The following FHIT variants were observed in gnomAD, a reference collection of about 807,000 sequenced individuals.
FHIT encodes fragile histidine triad diadenosine triphosphatase.
FHIT carries 19 observed loss-of-function variants against 17.9 expected under a neutral mutation model. The observed-to-expected ratio is 1.06, with a 90% confidence interval of 0.74 to 1.56. The LOEUF is 1.56. FHIT is among the 40% of genes most tolerant of loss of function. The probability of loss-of-function intolerance (pLI) is 0.00; values close to 1 mark genes in which losing one functional copy is unlikely to be tolerated. For missense variants in FHIT, 248 were observed against 189.2 expected (o/e 1.31, Z -1.82); for synonymous variants, 81 against 69.7 (o/e 1.16, Z -0.81).
At chr3:60,277,660 C>T (rs1023094704) in intron 5 of FHIT, among the ~76,000 whole-genome samples, 1 of 152,146 alleles carries the variant, frequency 6.6e-6, no homozygotes, top group Non-Finnish European at 1.5e-5. Flanking sequence ...CAGACACCGC[C>T]TCCTCAAGCC....
intron 5 of FHIT, among the ~76,000 whole-genome samples, chr3:60,529,330 G>T (rs1252640109): frequency 6.6e-6 from 1 of 152,034 alleles, no homozygotes; most frequent in Non-Finnish European, 1.5e-5. Context: ...AGACTATTAG[G>T]AGAGGAAAGC....
At chr3:60,358,326 T>G (rs1429640180) in intron 5 of FHIT, among the ~76,000 whole-genome samples, 1 of 152,212 alleles carries the variant, frequency 6.6e-6, no homozygotes, top group African/African-American at 2.4e-5. Flanking sequence ...CTGAGAAGTT[T>G]CCTTTCCTTA....
intron 5 of FHIT, among the ~76,000 whole-genome samples, chr3:60,457,236 T>C (rs1252952042): frequency 3.3e-5 from 5 of 151,846 alleles, no homozygotes; most frequent in African/African-American, 1.2e-4. Context: ...AACAGAGATA[T>C]AGACCAATGG....
intron 5 of FHIT, among the ~76,000 whole-genome samples, chr3:60,023,217 T>C (rs1208508056): frequency 6.6e-6 from 1 of 152,242 alleles, no homozygotes; most frequent in Non-Finnish European, 1.5e-5. Flanking sequence ...ATGAGAATCA[T>C]TTCAAAAACT....
At chr3:61,130,748 AT>A (rs2036739853) in intron 2 of FHIT, among the ~76,000 whole-genome samples, 1 of 152,222 alleles carries the variant, frequency 6.6e-6, no homozygotes, top group Admixed American at 6.5e-5. Context: ...CTGAGGCTAT[AT>A]AAAAATCTGC....
At chr3:61,046,228 T>C (rs1026355599) in intron 2 of FHIT, among the ~76,000 whole-genome samples, 6 of 151,796 alleles carry the variant, frequency 4.0e-5, no homozygotes, top group African/African-American at 1.5e-4. Flanking sequence ...ATCAACAAAA[T>C]TGATAGACTG....
At position 60,441,724 on chromosome 3, in the gene FHIT, T is replaced by TTATATA. The variant is rs1553772800; in HGVS notation, c.103+95135_103+95136insTATATA. On this transcript the variant is annotated intron_variant, in intron 5 of 9. Coordinates refer to ENST00000492590, the MANE Select transcript of FHIT (RefSeq NM_002012.4). ...TATTTATATATATATATATATATAT[T>TTATATA]TGTATTTATATATATATATTTATAT... Among the ~76,000 whole-genome samples the TTATATA allele has an allele frequency of 1.6e-3, 98 of 62,992 alleles. 2 individuals are homozygous for TTATATA. The highest frequency in any genetic ancestry group is 2.2e-3 in the Non-Finnish European group (81 of 37,508). The allele number at this position is 62,992 out of a possible 152,430, so 41.3% of individuals were successfully genotyped here.
chr3:61,146,940 C>A (rs923271072), intron 2 of FHIT, among the ~76,000 whole-genome samples: 23 of 152,006 alleles, frequency 1.5e-4, no homozygotes, highest in Non-Finnish European at 5.9e-5. Flanking sequence ...TTTTATTTAT[C>A]CAAATGCCTC....
intron 3 of FHIT, among the ~76,000 whole-genome samples, chr3:60,878,972 C>T (rs1704822573): frequency 6.6e-6 from 1 of 152,130 alleles, no homozygotes; most frequent in African/African-American, 2.4e-5. Flanking sequence ...GTCTTTATAG[C>T]AGCATGATTT....
chr3:60,542,683 C>T lies in FHIT; in HGVS notation c.-17-5704G>A, dbSNP rs574161584. On this transcript the variant is annotated intron_variant, in intron 4 of 9. Coordinates refer to ENST00000492590, the MANE Select transcript of FHIT (RefSeq NM_002012.4). Reference sequence around the variant, plus strand: ...AATATTGATCATGGTCTATTAAACACAATAATTATATTTTCACCATCTATT... The same window carrying T: ...AATATTGATCATGGTCTATTAAACATAATAATTATATTTTCACCATCTATT... Among the ~76,000 whole-genome samples the T allele has an allele frequency of 4.6e-5, 7 of 152,204 alleles. No homozygotes were observed. The South Asian group carries it at 1.4e-3, about 32-fold the overall frequency.
intron 5 of FHIT, among the ~76,000 whole-genome samples, chr3:60,486,738 T>A (rs1425051814): frequency 6.6e-6 from 1 of 152,198 alleles, no homozygotes; most frequent in Non-Finnish European, 1.5e-5. Context: ...CAAAAAGACA[T>A]GTTATAATGC....
intron 4 of FHIT, among the ~76,000 whole-genome samples, chr3:60,682,910 T>G (rs1315950553): frequency 6.6e-6 from 1 of 152,192 alleles, no homozygotes; most frequent in Non-Finnish European, 1.5e-5. Context: ...AACAAAATAT[T>G]AACATGAAAA....
At chr3:60,295,164 C>T (rs1708152554) in intron 5 of FHIT, among the ~76,000 whole-genome samples, 1 of 152,068 alleles carries the variant, frequency 6.6e-6, no homozygotes, top group Non-Finnish European at 1.5e-5. Context: ...GTGAAAAGAT[C>T]TGTTGAGCCC....
intron 8 of FHIT, among the ~76,000 whole-genome samples, chr3:59,906,888 G>A (rs1704608348): frequency 6.6e-6 from 1 of 152,180 alleles, no homozygotes; most frequent in Non-Finnish European, 1.5e-5. Flanking sequence ...CCTATTCTCA[G>A]TGAATTTTAA....
intron 3 of FHIT, among the ~76,000 whole-genome samples, chr3:60,874,631 C>G (rs1020712082): frequency 2.0e-5 from 3 of 152,190 alleles, no homozygotes; most frequent in Non-Finnish European, 2.9e-5. Context: ...GCATCTGTCA[C>G]TCTTGCTGAT....
At position 60,757,637 on chromosome 3, in the gene FHIT, C is replaced by G. The variant is rs188978771; in HGVS notation, c.-18+64282G>C. Among the ~76,000 whole-genome samples, 243 of 152,188 alleles carry G rather than the reference C, an allele frequency of 1.6e-3. 1 individual carries two copies. Among genetic ancestry groups the G allele is most frequent in the African/African-American group, 5.5e-3 (228 of 41,526 alleles). ...GCAGCCCCTTGAGTTGGTGCAGTGA[C>G]CAGGGTGGACATGTGTAGTATAAGC... On this transcript the variant is annotated intron_variant, in intron 4 of 9. Coordinates refer to ENST00000492590, the MANE Select transcript of FHIT (RefSeq NM_002012.4).
intron 5 of FHIT, among the ~76,000 whole-genome samples, chr3:60,118,220 C>T (rs1167034031): frequency 6.6e-6 from 1 of 151,964 alleles, no homozygotes; most frequent in Non-Finnish European, 1.5e-5. Context: ...GATCCTCCTG[C>T]TTCAGCCTCC....
At chr3:60,230,393 T>C (rs1704434314) in intron 5 of FHIT, among the ~76,000 whole-genome samples, 1 of 152,202 alleles carries the variant, frequency 6.6e-6, no homozygotes, top group Non-Finnish European at 1.5e-5. Flanking sequence ...CTCACCTAAG[T>C]TGTAAGATGA....
At chr3:61,156,391 C>A (rs149316279) in intron 2 of FHIT, among the ~76,000 whole-genome samples, 1 of 151,972 alleles carries the variant, frequency 6.6e-6, no homozygotes, top group African/African-American at 2.4e-5. Context: ...CTAAGGGAGG[C>A]CCCGGTTATC....
Sources: allele counts gnomAD v4.1 joint callset (sites outside exome capture counted in the v4.1 genomes callset), GRCh38; gene constraint gnomAD v4.1.1; transcripts MANE v1.5; gene names NCBI Gene and HGNC (gene_info 2026-07-23, HGNC 2026-07-21).